ZDHHC5: variants seen among roughly 807,000 people sequenced by gnomAD.
ZDHHC5 encodes the protein palmitoyltransferase ZDHHC5.
Under a neutral mutation model 70.0 loss-of-function variants are expected in ZDHHC5, and 22 were observed. The observed-to-expected ratio is 0.31, with a 90% CI of 0.22 to 0.45. ZDHHC5 has a LOEUF of 0.45. Ranked by LOEUF, ZDHHC5 falls within the 20% of genes least tolerant of loss-of-function variation. The pLI is 1.00. For synonymous variants in ZDHHC5, 313 were observed against 347.8 expected (o/e 0.90, Z 1.11); for missense variants, 746 against 926.9 (o/e 0.80, Z 2.53).
Position 57,698,608 on chromosome 11 carries a change from GCCGTCA to G in ZDHHC5, c.1175_1180del (p.Arg392_His393del). On this transcript the variant is annotated inframe_deletion, in exon 11 of 12. Transcript: ENST00000287169. ...GAGCCAACCTCAATTGCAGAGAGCA[GCCGTCA>G]CCCCAGCTACCGCTCAGAGCCCAGC... The G allele has an allele frequency of 2.5e-6, 4 of 1,613,740 alleles. No individual in the cohort carries two copies. The highest frequency in any genetic ancestry group is 2.5e-6 in the Non-Finnish European group (3 of 1,179,780).
At chr11:57,698,487 A>ACTCCTTGAG (rs1946385969) in intron 10 of ZDHHC5, 72 bp from the exon 11 acceptor site, 7 of 1,517,164 alleles carry the variant, frequency 4.6e-6, no homozygotes, top group Non-Finnish European at 6.2e-6. Context: ...TTTTTGACCA[A>ACTCCTTGAG]CTCCTTGAGC....
rs1002203232 is a variant in ZDHHC5 at position 57,698,986 on chromosome 11, G to A, written c.1550G>A (p.Arg517His). ...AQQREAERHP[R>H]LVPTGPTHRE... The stretch of plus-strand genomic sequence containing the variant: ...CAACGGGAAGCTGAGAGGCACCCAC[G>A]TTTGGTGCCAACTGGCCCAACACAC... The change falls in exon 11 of 12, where the codon CGT becomes CAT. Residue 517 changes from arginine (R) to histidine (H), a missense_variant. Transcript: ENST00000287169. The A allele has an allele frequency of 1.2e-5, 20 of 1,610,814 alleles. No individual in the cohort carries two copies. Among genetic ancestry groups the A allele is most frequent in the Admixed American group, 3.3e-5 (2 of 60,000 alleles).
At chr11:57,694,505 G>A (rs1303832058) in intron 8 of ZDHHC5, among the ~76,000 whole-genome samples, 2 of 152,026 alleles carry the variant, frequency 1.3e-5, no homozygotes, top group Admixed American at 6.6e-5. Flanking sequence ...GGGACTACAG[G>A]CATGCGCCAC....
chr11:57,671,724 G>C (rs949215915), intron 1 of ZDHHC5, among the ~76,000 whole-genome samples: 3 of 152,128 alleles, frequency 2.0e-5, no homozygotes, highest in Non-Finnish European at 4.4e-5. Context: ...TGATATTCTT[G>C]GTATTTGTTA....
intron 2 of ZDHHC5, among the ~76,000 whole-genome samples, chr11:57,678,502 C>T (rs1288315186): frequency 7.0e-6 from 1 of 143,768 alleles, no homozygotes. Flanking sequence ...ACCCGGGAGG[C>T]GGAGCTTGCA....
intron 2 of ZDHHC5, among the ~76,000 whole-genome samples, chr11:57,676,017 T>C (rs1049091818): frequency 9.9e-5 from 15 of 152,136 alleles, no homozygotes; most frequent in Non-Finnish European, 1.6e-4. Context: ...GCTACATTAT[T>C]AGAAGCCCCA....
chr11:57,674,643 C>G (rs1461455588), intron 2 of ZDHHC5, among the ~76,000 whole-genome samples: 1 of 152,124 alleles, frequency 6.6e-6, no homozygotes, highest in Non-Finnish European at 1.5e-5. Flanking sequence ...CAATTATACA[C>G]AAGTTAAATC....
chr11:57,671,542 A>T lies in ZDHHC5; in HGVS notation c.-1070-479A>T, dbSNP rs79604687. On this transcript the variant is annotated intron_variant, in intron 1 of 11. Transcript: ENST00000287169. ...CTTCTACCTCTTCAGGATTGTAACT[A>T]AAAAGCATAGAGGAGCAAAAGAAAC... Among the ~76,000 whole-genome samples the T allele has an allele frequency of 2.0e-4, 31 of 152,348 alleles. 2 individuals are homozygous for T. The East Asian group carries it at 6.0e-3, about 29-fold the overall frequency.
At chr11:57,679,946 C>G (rs957442654) in intron 2 of ZDHHC5, among the ~76,000 whole-genome samples, 8 of 152,106 alleles carry the variant, frequency 5.3e-5, no homozygotes, top group African/African-American at 1.9e-4. Flanking sequence ...TGGGGGCAGA[C>G]TTTATTTTGG....
intron 1 of ZDHHC5, chr11:57,668,393 C>T (rs1945952637): frequency 6.2e-6 from 1 of 161,496 alleles, no homozygotes; most frequent in African/African-American, 2.4e-5. Flanking sequence ...CCACGACCGC[C>T]AGGGCTCGGA....
chr11:57,674,326 T>TA (rs1946044632), intron 2 of ZDHHC5, among the ~76,000 whole-genome samples: 1 of 152,002 alleles, frequency 6.6e-6, no homozygotes, highest in South Asian at 2.1e-4. Context: ...GTTTTTTTTT[T>TA]TTTTTTATTA....
rs141128639 is a variant in ZDHHC5, at chr11:57,699,109, C to G, written c.1673C>G (p.Pro558Arg). The G allele has an allele frequency of 3.7e-6, 6 of 1,613,930 alleles. No homozygotes were observed. The highest frequency in any genetic ancestry group is 3.3e-5 in the South Asian group (3 of 91,044). ...TTGCTGCGCCAGTCACCCCCACTCC[C>G]GGGCCGTGAGGAAGAACCAGGCTTG... ...EKLLRQSPPL[P>R]GREEEPGLGD... is the part of the protein sequence containing the mutation. The change falls in exon 11 of 12, where the codon CCG (proline) becomes CGG (arginine). Residue 558 changes from proline to arginine, a missense_variant. Coordinates refer to ENST00000287169, the MANE Select transcript of ZDHHC5 (RefSeq NM_015457.3).
chr11:57,681,577 C>T (rs968003727), intron 2 of ZDHHC5: 1 of 152,216 alleles, frequency 6.6e-6, no homozygotes, highest in African/African-American at 2.4e-5. Context: ...GCTCTTGAAG[C>T]ATTCCTACGT....
rs965310064 is a variant in ZDHHC5 at position 57,695,996 on chromosome 11, G to A, written c.962G>A (p.Ser321Asn). ...CCACCTCCTCCTAAGCCAGACCTGA[G>A]CCGTTACACAGGGTTGCGAACACAC... ...EPPPPPKPDLSRYTGLRTHLG... is the reference protein window; with the variant it reads ...EPPPPPKPDLNRYTGLRTHLG... The change falls in exon 9 of 12, where the codon AGC becomes AAC. Residue 321 changes from serine (S) to asparagine (N), a missense_variant. Ser to Asn is a conservative substitution (Grantham distance 46). This residue lies in a region of ZDHHC5 where 179 missense variants were observed against 178.4 expected (regional missense o/e 1.00). Transcript: ENST00000287169. The A allele has an allele frequency of 1.2e-6, 2 of 1,614,030 alleles. No individual in the cohort carries two copies. Among genetic ancestry groups the A allele is most frequent in the African/African-American group, 1.3e-5 (1 of 74,906 alleles).
At chr11:57,689,962 T>C in intron 4 of ZDHHC5, 69 bp from the exon 5 acceptor site, 1 of 1,524,208 alleles carries the variant, frequency 6.6e-7, no homozygotes, top group Non-Finnish European at 8.9e-7. Flanking sequence ...CATTTGTTTC[T>C]CTTCTTGACA....
rs879286382 is a variant in ZDHHC5 at position 57,691,988 on chromosome 11, C to CT, written c.661-612dup. 6.5e-3 allele frequency among the ~76,000 whole-genome samples: 946 copies of CT among 146,552 alleles called. 7 individuals carry two copies. Among genetic ancestry groups the CT allele is most frequent in the African/African-American group, 8.3e-3 (336 of 40,256 alleles). On this transcript the variant is annotated intron_variant, in intron 6 of 11. Coordinates refer to ENST00000287169, the MANE Select transcript of ZDHHC5 (RefSeq NM_015457.3). ...ATATAATAGTAGCTAACCTTAATTG[C>CT]TTTTTTTTTTTCTTTTTTGAGACAG...
intron 10 of ZDHHC5, among the ~76,000 whole-genome samples, 200 bp downstream of exon 10, chr11:57,697,073 G>A (rs556213293): frequency 2.0e-5 from 3 of 151,694 alleles, no homozygotes; most frequent in Non-Finnish European, 4.4e-5. Flanking sequence ...GCTCACGCCT[G>A]TAATCCCAGC....
chr11:57,698,694 C>G lies in ZDHHC5; in HGVS notation c.1258C>G (p.Pro420Ala). The G allele has an allele frequency of 6.2e-7, 1 of 1,614,218 alleles. No individual in the cohort carries two copies. Among genetic ancestry groups the G allele is most frequent in the Non-Finnish European group, 8.5e-7 (1 of 1,180,038 alleles). ...PTFGKSFHFD[P>A]LSSGSRSSSL... ...CTTTGGCAAAAGTTTTCACTTCGAT[C>G]CACTATCCAGTGGCTCACGCTCCTC... The change falls in exon 11 of 12, where the codon CCA becomes GCA. Residue 420 changes from proline (P) to alanine (A), a missense_variant. Around this residue, in one of 6 missense-constraint regions of ZDHHC5, gnomAD observed 179 missense variants for 178.4 expected, o/e 1.00. Transcript: ENST00000287169.
chr11:57,675,547 C>T (rs1209807717), intron 2 of ZDHHC5, among the ~76,000 whole-genome samples: 1 of 152,132 alleles, frequency 6.6e-6, no homozygotes, highest in African/African-American at 2.4e-5. Context: ...GGAATTATTG[C>T]CTCTCATCCA....
Sources: gnomAD v4.1 joint callset for allele counts (sites outside exome capture counted in the v4.1 genomes callset) on GRCh38, gnomAD v4.1.1 for gene constraint, gnomAD v4.1.1 regional missense constraint, MANE v1.5 for transcripts, NCBI Gene and HGNC (gene_info 2026-07-23, HGNC 2026-07-21) for gene names.